The following BTG3 variants were observed in gnomAD, a reference collection of about 807,000 sequenced individuals.
BTG3 encodes BTG anti-proliferation factor 3.
In BTG3, 4 loss-of-function variants were observed where a neutral mutation model predicts 25.8. The observed-to-expected ratio is 0.16, with a 90% CI of 0.08 to 0.36. The LOEUF (loss-of-function observed/expected upper bound fraction) is 0.36, where lower values mean the gene tolerates loss of function less well. Ranked by LOEUF, BTG3 falls within the 10% of genes least tolerant of loss-of-function variation. The pLI, the probability that BTG3 is intolerant of heterozygous loss-of-function variation, is 1.00. For synonymous variants in BTG3, 107 were observed against 99.9 expected, an observed-to-expected ratio of 1.07 and a Z score of -0.42; for missense variants, 201 against 304.9, an observed-to-expected ratio of 0.66 and a Z score of 2.54.
intron 3 of BTG3, among the ~76,000 whole-genome samples, 158 bp downstream of exon 3, chr21:17,604,702 C>T (rs564561762): frequency 2.6e-5 from 4 of 152,232 alleles, no homozygotes; most frequent in African/African-American, 4.8e-5. Context: ...AGTCCTTCAA[C>T]ATCACCTCCA....
rs1318083525 is a variant in BTG3 at position 17,604,236 on chromosome 21, T to C, written c.311+624A>G. On this transcript the variant is annotated intron_variant, in intron 3 of 4. Coordinates refer to ENST00000348354, the MANE Select transcript of BTG3 (RefSeq NM_006806.5). Reference sequence around the variant, plus strand: ...GGCGGGCGGATCACGAGGTCAGGAGTTTGAGAGCAGTCTGGCCAACATGGT... The same window carrying C: ...GGCGGGCGGATCACGAGGTCAGGAGCTTGAGAGCAGTCTGGCCAACATGGT... The C allele has an allele frequency of 7.3e-6, 4 of 546,574 alleles. No individual in the cohort carries two copies. Among genetic ancestry groups the C allele is most frequent in the Admixed American group, 4.2e-5 (1 of 23,758 alleles). 33.9% of individuals were successfully genotyped at this position (546,574 alleles called of 1,614,324 possible).
chr21:17,599,984 A>T (rs1179008844), intron 3 of BTG3, among the ~76,000 whole-genome samples: 1 of 152,220 alleles, frequency 6.6e-6, no homozygotes, highest in Non-Finnish European at 1.5e-5. Context: ...CTTAAATTAT[A>T]TTGCTTACTT....
rs61754145 is a variant in BTG3, at chr21:17,609,049, C to G, written c.96G>C (p.Glu32Asp). 1,653 of 1,613,938 alleles carry G rather than the reference C, an allele frequency of 1.0e-3. 2 individuals carry two copies. The highest frequency in any genetic ancestry group is 1.3e-3 in the Non-Finnish European group (1,581 of 1,179,968). ...LKKEAVERFA[E>D]KLTLILQEKY... is the part of the protein sequence containing the mutation. ...TTTCTTGAAGTATTAGGGTCAATTTCTCAGCAAACCTCTCAACTGCCTCTT... is the reference window on the plus strand; with the variant it reads ...TTTCTTGAAGTATTAGGGTCAATTTGTCAGCAAACCTCTCAACTGCCTCTT... The change falls in exon 2 of 5, where the codon GAG becomes GAC. Residue 32 changes from glutamate to aspartate, a missense_variant. Around this residue, in one of 2 missense-constraint regions of BTG3, gnomAD observed 70 missense variants for 175.7 expected, o/e 0.40. Coordinates refer to ENST00000348354, the MANE Select transcript of BTG3 (RefSeq NM_006806.5).
intron 3 of BTG3, among the ~76,000 whole-genome samples, chr21:17,599,631 C>A (rs58495947): frequency 0.022 from 3,301 of 152,190 alleles, 115 homozygotes; most frequent in African/African-American, 0.073. Flanking sequence ...AGGTGCCCAC[C>A]ACCACGCCCA....
At chr21:17,603,342 C>G (rs2061597641) in intron 3 of BTG3, among the ~76,000 whole-genome samples, 1 of 152,144 alleles carries the variant, frequency 6.6e-6, no homozygotes, top group South Asian at 2.1e-4. Flanking sequence ...TGCTCCTTTT[C>G]TACCCGAGAA....
At chr21:17,602,026 A>G (rs2061580688) in intron 3 of BTG3, among the ~76,000 whole-genome samples, 1 of 152,102 alleles carries the variant, frequency 6.6e-6, no homozygotes, top group Admixed American at 6.5e-5. Context: ...GAATTAGTAG[A>G]CACCTGGACA....
At chr21:17,607,887 A>C (rs1490585473) in intron 2 of BTG3, among the ~76,000 whole-genome samples, 1 of 152,246 alleles carries the variant, frequency 6.6e-6, no homozygotes, top group South Asian at 2.1e-4. Flanking sequence ...TACAGTGAGC[A>C]TGCCAGGGCA....
At chr21:17,600,124 A>ATC (rs1569178563) in intron 3 of BTG3, among the ~76,000 whole-genome samples, 1 of 152,138 alleles carries the variant, frequency 6.6e-6, no homozygotes, top group Admixed American at 6.5e-5. Flanking sequence ...AATATGTAAC[A>ATC]TATGCTGCTG....
At chr21:17,607,409 T>C (rs1245055628) in intron 2 of BTG3, among the ~76,000 whole-genome samples, 1 of 152,094 alleles carries the variant, frequency 6.6e-6, no homozygotes, top group African/African-American at 2.4e-5. Flanking sequence ...ATTAAGATAA[T>C]CAAGAGATAA....
chr21:17,605,726 A>T (rs546200661), intron 2 of BTG3, among the ~76,000 whole-genome samples: 2 of 152,200 alleles, frequency 1.3e-5, no homozygotes, highest in South Asian at 4.1e-4. Context: ...ATGTTTAATA[A>T]ATAAAAAATA....
intron 3 of BTG3, among the ~76,000 whole-genome samples, chr21:17,602,361 A>AT (rs796208042): frequency 1.3e-5 from 2 of 151,682 alleles, no homozygotes; most frequent in African/African-American, 4.8e-5. Context: ...GTGCATCTCA[A>AT]TTTTTTTTTA....
At position 17,594,005 on chromosome 21, in the gene BTG3, CTATTAG is replaced by C. The variant is rs1272926793; in HGVS notation, c.*82_*87del. On this transcript the variant is annotated 3_prime_UTR_variant, in exon 5 of 5. Transcript: ENST00000348354. ...TGGTTTGGCCCATCTAACTTCACTACTATTAGTAAGAACTTTTAACTTTTAATGTGT... is the reference window on the plus strand; with the variant it reads ...TGGTTTGGCCCATCTAACTTCACTACTAAGAACTTTTAACTTTTAATGTGT... 7.5e-6 allele frequency: 11 copies of C among 1,463,592 alleles called. No homozygotes were observed. In the East Asian group the frequency reaches 2.6e-4, roughly 34 times the overall value. The allele number at this position is 1,463,592 out of a possible 1,614,324, so 90.7% of individuals were successfully genotyped here.
chr21:17,595,662 T>C (rs1051242163), intron 4 of BTG3, among the ~76,000 whole-genome samples: 1 of 151,978 alleles, frequency 6.6e-6, no homozygotes, highest in Non-Finnish European at 1.5e-5. Flanking sequence ...AATGGGACAT[T>C]GAGGCTGTTT....
At chr21:17,604,344 C>T (rs2061611524) in intron 3 of BTG3, 2 of 206,666 alleles carry the variant, frequency 9.7e-6, no homozygotes, top group South Asian at 1.4e-4. Flanking sequence ...ACTCAGGAGG[C>T]TGAGGCAGGA....
At chr21:17,604,356 A>C (rs1190685272) in intron 3 of BTG3, 1 of 202,606 alleles carries the variant, frequency 4.9e-6, no homozygotes, top group Non-Finnish European at 1.1e-5. Flanking sequence ...GAGGCAGGAG[A>C]ATCACTTGAA....
Position 17,609,157 on chromosome 21 carries a change from A to G in BTG3, c.-8-5T>C. The G allele has an allele frequency of 6.2e-7, 1 of 1,604,632 alleles. No homozygotes were observed. The highest frequency in any genetic ancestry group is 8.5e-7 in the Non-Finnish European group (1 of 1,177,716). ...TTTCATTCTTCATTTTTTTCCCTGC[A>G]AAGATAAAACATGTTTTCTCAGAAA... is the stretch of plus-strand genomic sequence containing the variant. On this transcript the variant is annotated splice_polypyrimidine_tract_variant and splice_region_variant and intron_variant, in intron 1 of 4. Coordinates refer to ENST00000348354, the MANE Select transcript of BTG3 (RefSeq NM_006806.5).
intron 1 of BTG3, chr21:17,611,920 G>A (rs1411601565): frequency 1.3e-5 from 2 of 152,236 alleles, no homozygotes; most frequent in East Asian, 3.8e-4. Context: ...ACGTTCCCAA[G>A]GTGGAGGGCG....
At chr21:17,599,499 C>T (rs1329585353) in intron 3 of BTG3, among the ~76,000 whole-genome samples, 2 of 112,000 alleles carry the variant, frequency 1.8e-5, no homozygotes, top group South Asian at 2.8e-4. Flanking sequence ...TTTTTTGAGA[C>T]GGAGTCTCAC....
chr21:17,604,527 T>G (rs1207971613), intron 3 of BTG3, among the ~76,000 whole-genome samples: 1 of 152,120 alleles, frequency 6.6e-6, no homozygotes, highest in Non-Finnish European at 1.5e-5. Flanking sequence ...GGGATTAGCT[T>G]CTTAATTTGA....
Sources: allele counts gnomAD v4.1 joint callset (sites outside exome capture counted in the v4.1 genomes callset), GRCh38; gene constraint gnomAD v4.1.1; regional missense constraint gnomAD v4.1.1; transcripts MANE v1.5; gene names NCBI Gene and HGNC (gene_info 2026-07-23, HGNC 2026-07-21).